The following SULF1 variants were observed in gnomAD, a reference collection of about 807,000 sequenced individuals.
The protein encoded by SULF1 is sulfatase 1, also known as extracellular sulfatase Sulf-1.
SULF1 carries 46 observed loss-of-function variants against 110.5 expected under a neutral mutation model. The ratio of observed to expected loss-of-function variants is 0.42; its 90% CI spans 0.33 to 0.53. The LOEUF (loss-of-function observed/expected upper bound fraction) is 0.53, where lower values mean the gene tolerates loss of function less well. SULF1 is among the 20% of genes least tolerant of loss of function. The probability of loss-of-function intolerance (pLI) is 0.12; values close to 1 mark genes in which losing one functional copy is unlikely to be tolerated. For missense variants in SULF1, 941 were observed against 1,094.2 expected (o/e 0.86, Z 1.98); for synonymous variants, 371 against 387.1 (o/e 0.96, Z 0.49).
At chr8:69,544,949 G>A (rs1352184438) in intron 3 of SULF1, among the ~76,000 whole-genome samples, 1 of 152,096 alleles carries the variant, frequency 6.6e-6, no homozygotes, top group East Asian at 1.9e-4. Context: ...GAAAACTCAG[G>A]TAGAGTCCAG....
chr8:69,628,264 G>T (rs770032062), intron 18 of SULF1, 28 bp downstream of exon 18: 20 of 1,598,696 alleles, frequency 1.3e-5, no homozygotes, highest in Non-Finnish European at 1.6e-5. Flanking sequence ...TTCCACATTT[G>T]CTGGGAGTCA....
intron 3 of SULF1, among the ~76,000 whole-genome samples, chr8:69,526,611 A>AGAAAGAAAGAAAG (rs1554570777): frequency 2.2e-5 from 3 of 135,900 alleles, no homozygotes; most frequent in African/African-American, 9.4e-5. Context: ...AAAAAAAAAA[A>AGAAAGAAAGAAAG]AAAGAAAGAA....
intron 5 of SULF1, 26 bp from the exon 6 acceptor site, chr8:69,575,944 A>G: frequency 6.2e-7 from 1 of 1,610,828 alleles, no homozygotes; most frequent in Non-Finnish European, 8.5e-7. Context: ...CACTTTGCTA[A>G]ACAATGCTGG....
rs1239246343 is a variant in SULF1, at chr8:69,509,274, A to G, written c.-134+7306A>G. ...TTTTAGTTTTATGTCTCTGCCTGCC[A>G]GTAAACTAATCCCAATGTGTATTTT... On this transcript the variant is annotated intron_variant, in intron 3 of 22. Coordinates refer to ENST00000402687, the MANE Select transcript of SULF1 (RefSeq NM_001128205.2). Among the ~76,000 whole-genome samples, 4 of 152,200 alleles carry G rather than the reference A, an allele frequency of 2.6e-5. No individual in the cohort carries two copies. The South Asian group carries it at 6.2e-4, about 24-fold the overall frequency.
chr8:69,553,682 G>A (rs1417289724), intron 3 of SULF1, among the ~76,000 whole-genome samples: 2 of 152,112 alleles, frequency 1.3e-5, no homozygotes, highest in African/African-American at 4.8e-5. Context: ...TGCTGTGTTT[G>A]GCTAATCCAC....
intron 8 of SULF1, among the ~76,000 whole-genome samples, chr8:69,589,429 T>C (rs747464288): frequency 1.6e-4 from 24 of 152,244 alleles, no homozygotes; most frequent in Non-Finnish European, 3.1e-4. Context: ...TACAAGAGTT[T>C]CCTTTCGTTG....
intron 19 of SULF1, among the ~76,000 whole-genome samples, chr8:69,637,256 G>T (rs1811129110): frequency 3.3e-5 from 5 of 152,282 alleles, no homozygotes; most frequent in Middle Eastern, 3.4e-3. Context: ...CAAGGTCATT[G>T]TCAACTTCCA....
At chr8:69,482,349 A>G (rs1215199056) in intron 1 of SULF1, among the ~76,000 whole-genome samples, 2 of 152,188 alleles carry the variant, frequency 1.3e-5, no homozygotes, top group African/African-American at 2.4e-5. Context: ...ATAACAATTT[A>G]TACTTTTCAA....
intron 5 of SULF1, among the ~76,000 whole-genome samples, chr8:69,573,565 T>C (rs969001451): frequency 6.6e-6 from 1 of 152,162 alleles, no homozygotes; most frequent in African/African-American, 2.4e-5. Context: ...TGAAATAGAC[T>C]ACTGGACACT....
At chr8:69,489,732 A>G (rs1809848402), upstream of SULF1, among the ~76,000 whole-genome samples, 1 of 151,850 alleles carries the variant, frequency 6.6e-6, no homozygotes, top group African/African-American at 2.4e-5. Flanking sequence ...GCCTGCCACC[A>G]TGCCCAGCTA....
intron 12 of SULF1, among the ~76,000 whole-genome samples, chr8:69,603,923 G>T (rs1353178660): frequency 6.6e-6 from 1 of 152,128 alleles, no homozygotes; most frequent in East Asian, 1.9e-4. Context: ...GTATAGTTGG[G>T]ACATTATCGT....
At chr8:69,639,713 G>T (rs920069515) in intron 21 of SULF1, among the ~76,000 whole-genome samples, 1 of 152,182 alleles carries the variant, frequency 6.6e-6, no homozygotes, top group African/African-American at 2.4e-5. Context: ...TGGTGCCGCT[G>T]GGTTTTCTCT....
intron 1 of SULF1, among the ~76,000 whole-genome samples, chr8:69,487,170 A>C (rs1809747581): frequency 6.6e-6 from 1 of 152,208 alleles, no homozygotes; most frequent in East Asian, 1.9e-4. Flanking sequence ...CAGTCTAAAT[A>C]ATTTTTCCTG....
At chr8:69,654,885 T>C (rs186091659) in intron 22 of SULF1, among the ~76,000 whole-genome samples, 1 of 152,384 alleles carries the variant, frequency 6.6e-6, no homozygotes, top group Non-Finnish European at 1.5e-5. Context: ...TGCACCATTA[T>C]ACGTCCATTT....
intron 22 of SULF1, among the ~76,000 whole-genome samples, chr8:69,642,591 G>C (rs542144082): frequency 6.6e-6 from 1 of 151,940 alleles, no homozygotes; most frequent in Non-Finnish European, 1.5e-5. Flanking sequence ...GCCTCCCATC[G>C]GTCACATTAA....
At chr8:69,565,671 T>A (rs143716519) in intron 5 of SULF1, among the ~76,000 whole-genome samples, 3 of 152,176 alleles carry the variant, frequency 2.0e-5, no homozygotes, top group Non-Finnish European at 2.9e-5. Context: ...GCCAGAGTTA[T>A]CTTTCAAGTA....
At chr8:69,596,301 C>T (rs1462438342) in intron 8 of SULF1, among the ~76,000 whole-genome samples, 2 of 152,118 alleles carry the variant, frequency 1.3e-5, no homozygotes, top group Non-Finnish European at 2.9e-5. Flanking sequence ...ACACGTGACT[C>T]TACCTCCAAC....
intron 1 of SULF1, among the ~76,000 whole-genome samples, chr8:69,471,399 C>T (rs941822952): frequency 1.2e-4 from 14 of 120,818 alleles, no homozygotes; most frequent in Non-Finnish European, 1.4e-4. Flanking sequence ...GGACAGGAAA[C>T]GAAAAAAAAA....
intron 22 of SULF1, among the ~76,000 whole-genome samples, chr8:69,653,017 A>G (rs1342695588): frequency 2.0e-5 from 3 of 152,168 alleles, no homozygotes; most frequent in African/African-American, 7.2e-5. Flanking sequence ...CTGAGCAACT[A>G]CGTTTCATCC....
Sources: gnomAD v4.1 joint callset for allele counts (sites outside exome capture counted in the v4.1 genomes callset) on GRCh38, gnomAD v4.1.1 for gene constraint, MANE v1.5 for transcripts, NCBI Gene and HGNC (gene_info 2026-07-23, HGNC 2026-07-21) for gene names.